SYNE1: variants seen among roughly 807,000 people sequenced by gnomAD.
SYNE1 encodes spectrin repeat containing nuclear envelope protein 1.
SYNE1 carries 616 observed loss-of-function variants against 1,111.0 expected under a neutral mutation model. That is an observed-to-expected ratio of 0.55 (90% CI 0.52 to 0.59). SYNE1 has a LOEUF of 0.59. Among genes scored for constraint, SYNE1 ranks in the 20% least tolerant of loss-of-function variants. The probability of loss-of-function intolerance (pLI) is 0.00; values close to 1 mark genes in which losing one functional copy is unlikely to be tolerated. For missense variants in SYNE1, 10,006 were observed against 10,417.0 expected, an observed-to-expected ratio of 0.96 and a Z score of 1.72; for synonymous variants, 3,855 against 3,825.8, an observed-to-expected ratio of 1.01 and a Z score of -0.28.
At chr6:152,550,802 T>C (rs567226280) in intron 3 of SYNE1, among the ~76,000 whole-genome samples, 1 of 152,148 alleles carries the variant, frequency 6.6e-6, no homozygotes, top group East Asian at 1.9e-4. Flanking sequence ...CCATAATAAA[T>C]AGTATGTGCA....
Position 152,350,935 on chromosome 6 carries a change from G to A in SYNE1, c.11581-165C>T, listed in dbSNP as rs1019439213. 4.6e-5 allele frequency among the ~76,000 whole-genome samples: 7 copies of A among 152,270 alleles called. No homozygotes were observed. In the East Asian group the frequency reaches 7.7e-4, roughly 17 times the overall value. Reference sequence around the variant, plus strand: ...TAAAGAGAGAGTGATTTATTAAGACGAATACAGTTTCTAAATACAACAGCA... The same window carrying A: ...TAAAGAGAGAGTGATTTATTAAGACAAATACAGTTTCTAAATACAACAGCA... On this transcript the variant is annotated intron_variant, in intron 70 of 145. Transcript: ENST00000367255.
intron 101 of SYNE1, among the ~76,000 whole-genome samples, chr6:152,259,753 T>G (rs1460170683): frequency 6.6e-6 from 1 of 152,184 alleles, no homozygotes; most frequent in East Asian, 1.9e-4. Context: ...GCTAAATTGC[T>G]TCTTCCCTCT....
intron 27 of SYNE1, among the ~76,000 whole-genome samples, chr6:152,450,371 G>T (rs2098637578): frequency 2.0e-5 from 3 of 152,104 alleles, no homozygotes; most frequent in African/African-American, 4.8e-5. Context: ...AGTGAGAAAG[G>T]ACTAATACAT....
chr6:152,256,530 T>C (rs2090912917), intron 102 of SYNE1, 104 bp downstream of exon 102: 1 of 1,494,228 alleles, frequency 6.7e-7, no homozygotes, highest in Non-Finnish European at 9.2e-7. Context: ...TTGGGTCTCA[T>C]GCTCAGGGGT....
At chr6:152,314,035 T>G (rs1197065581) in intron 87 of SYNE1, among the ~76,000 whole-genome samples, 1 of 152,198 alleles carries the variant, frequency 6.6e-6, no homozygotes, top group Admixed American at 6.5e-5. Context: ...CTGCTTAGTA[T>G]CTCTTGACTT....
At chr6:152,260,537 G>A (rs1055132511) in intron 101 of SYNE1, among the ~76,000 whole-genome samples, 1 of 152,112 alleles carries the variant, frequency 6.6e-6, no homozygotes, top group African/African-American at 2.4e-5. Flanking sequence ...GGCCAGAGAG[G>A]GAAAGTGAGG....
rs370721967 is a variant in SYNE1 at position 152,130,735 on chromosome 6, C to T, written c.26138G>A (p.Ser8713Asn). 9.3e-6 allele frequency: 15 copies of T among 1,614,002 alleles called. No homozygotes were observed. Among genetic ancestry groups the T allele is most frequent in the Non-Finnish European group, 1.2e-5 (14 of 1,180,046 alleles). The change falls in exon 145 of 146, where the codon AGC (serine) becomes AAC (asparagine). Residue 8713 changes from serine to asparagine, a missense_variant. Physicochemically the swap from Ser to Asn is conservative, Grantham distance 46. Transcript: ENST00000367255. ...CSLSQPGPSVSSPHSRSTKGG... is the reference protein window; with the variant it reads ...CSLSQPGPSVNSPHSRSTKGG... ...AAGGAGGTACCTGCTATGTGGACTGCTGACAGAGGGTCCAGGCTGTGAGAG... is the reference window on the plus strand; with the variant it reads ...AAGGAGGTACCTGCTATGTGGACTGTTGACAGAGGGTCCAGGCTGTGAGAG...
At chr6:152,176,607 T>A (rs775067816) in intron 129 of SYNE1, 47 bp from the exon 130 acceptor site, 3 of 1,570,954 alleles carry the variant, frequency 1.9e-6, no homozygotes, top group Admixed American at 3.3e-5. Flanking sequence ...ATATTCTTAA[T>A]ACATCCAGCC....
At chr6:152,437,162 A>G (rs1333507164) in intron 32 of SYNE1, among the ~76,000 whole-genome samples, 1 of 152,192 alleles carries the variant, frequency 6.6e-6, no homozygotes, top group Non-Finnish European at 1.5e-5. Flanking sequence ...TCAAAGAAAA[A>G]AGAGAGAGAG....
rs761924267 is a variant in SYNE1, at chr6:152,198,056, C to T, written c.23145+3768G>A. Among the ~76,000 whole-genome samples the T allele has an allele frequency of 1.8e-4, 24 of 131,772 alleles. 1 individual carries two copies. The highest frequency in any genetic ancestry group is 6.6e-4 in the African/African-American group (23 of 35,088). 86.4% of individuals were successfully genotyped at this position (131,772 alleles called of 152,430 possible). ...AAGGAAGGAAGGTTAAAAGGAAAGA[C>T]GGAAAGAAAGAGGGAAGGAAGGAAA... On this transcript the variant is annotated intron_variant, in intron 127 of 145. Coordinates refer to ENST00000367255, the MANE Select transcript of SYNE1 (RefSeq NM_182961.4).
chr6:152,326,044 T>C lies in SYNE1; in HGVS notation c.15352A>G (p.Asn5118Asp). 6.2e-7 allele frequency: 1 copy of C among 1,614,180 alleles called. No homozygotes were observed. Among genetic ancestry groups the C allele is most frequent in the South Asian group, 1.1e-5 (1 of 91,086 alleles). ...TCAGACAATTTCTTTTCTGTATCAT[T>C]CATCAATTCAATAACCTCTTCCCTT... Reference protein sequence around the residue: ...KAREEVIELMNDTEKKLSEFS... With the variant: ...KAREEVIELMDDTEKKLSEFS... The change falls in exon 80 of 146, where the codon AAT becomes GAT. Residue 5118 changes from asparagine to aspartate, a missense_variant. Asn to Asp is a conservative substitution (Grantham distance 23). Coordinates refer to ENST00000367255, the MANE Select transcript of SYNE1 (RefSeq NM_182961.4).
At chr6:152,498,432 C>T (rs1024239866) in intron 11 of SYNE1, among the ~76,000 whole-genome samples, 1 of 152,194 alleles carries the variant, frequency 6.6e-6, no homozygotes, top group South Asian at 2.1e-4. Flanking sequence ...TTTAAAGACA[C>T]CATACGTAGT....
At chr6:152,186,154 C>T (rs1425500739) in intron 128 of SYNE1, among the ~76,000 whole-genome samples, 1 of 152,102 alleles carries the variant, frequency 6.6e-6, no homozygotes, top group African/African-American at 2.4e-5. Flanking sequence ...CATAATGGCA[C>T]AACCAAAAGA....
chr6:152,483,315 C>G, intron 13 of SYNE1, 66 bp from the exon 14 acceptor site: 1 of 1,347,786 alleles, frequency 7.4e-7, no homozygotes, highest in African/African-American at 1.4e-5. Flanking sequence ...AAATTGCACC[C>G]AAATAATAGT....
rs200704755 is a variant in SYNE1 at position 152,505,272 on chromosome 6, C to T, written c.707G>A (p.Arg236Gln). Residue 236 changes from arginine to glutamine, a missense_variant, in exon 9 of 146, where the codon CGA becomes CAA. By Grantham distance (43) the Arg-to-Gln change is conservative. Around this residue, in one of 7 missense-constraint regions of SYNE1, gnomAD observed 1,971 missense variants for 2,084.1 expected, o/e 0.95. Transcript: ENST00000367255. ...DLETVKGRSN[R>Q]ENLEDAFTIA... ...AGTGAAAGCATCCTCCAAATTTTCTCGGTTGGATCTGCCTTTCACTGTCTC... is the reference window on the plus strand; with the variant it reads ...AGTGAAAGCATCCTCCAAATTTTCTTGGTTGGATCTGCCTTTCACTGTCTC... 8.7e-6 allele frequency: 14 copies of T among 1,614,122 alleles called. No individual in the cohort carries two copies. In the Admixed American group the frequency reaches 1.0e-4, roughly 12 times the overall value.
chr6:152,266,901 A>C (rs1389630753), intron 100 of SYNE1, among the ~76,000 whole-genome samples: 6 of 152,356 alleles, frequency 3.9e-5, no homozygotes. Context: ...CTGCAAAAAA[A>C]AAGTTTAATT....
At chr6:152,430,764 G>T in intron 34 of SYNE1, 55 bp from the exon 35 acceptor site, 1 of 1,463,936 alleles carries the variant, frequency 6.8e-7, no homozygotes. Context: ...TTGCCTTCCT[G>T]AAATGATACA....
chr6:152,155,433 C>T (rs1313316728), intron 132 of SYNE1: 1 of 313,364 alleles, frequency 3.2e-6, no homozygotes, highest in East Asian at 8.3e-5. Flanking sequence ...CAACATTCAA[C>T]TCACACTGAC....
At chr6:152,628,600 G>A (rs1056913530) in intron 2 of SYNE1, 46 bp from the exon 3 acceptor site, 5 of 483,614 alleles carry the variant, frequency 1.0e-5, no homozygotes, top group African/African-American at 7.7e-5. Flanking sequence ...AAAAATCTAC[G>A]AAGGTCACCA....
Sources: gnomAD v4.1 joint callset for allele counts (sites outside exome capture counted in the v4.1 genomes callset) on GRCh38, gnomAD v4.1.1 for gene constraint, gnomAD v4.1.1 regional missense constraint, MANE v1.5 for transcripts, NCBI Gene and HGNC (gene_info 2026-07-23, HGNC 2026-07-21) for gene names.